METAP2: variants seen among roughly 807,000 people sequenced by gnomAD.
METAP2 encodes methionine aminopeptidase 2.
METAP2 carries 25 observed loss-of-function variants against 59.4 expected under a neutral mutation model. That is an observed-to-expected ratio of 0.42 (90% CI 0.31 to 0.59). The LOEUF (loss-of-function observed/expected upper bound fraction) is 0.59. Ranked by LOEUF, METAP2 falls within the 20% of genes least tolerant of loss-of-function variation. The pLI, the probability that METAP2 is intolerant of heterozygous loss-of-function variation, is 0.16. For missense variants in METAP2, 366 were observed against 581.2 expected, an observed-to-expected ratio of 0.63 and a Z score of 3.81; for synonymous variants, 214 against 194.1, an observed-to-expected ratio of 1.10 and a Z score of -0.85.
chr12:95,515,225 T>G lies in METAP2; in HGVS notation c.*1321T>G, dbSNP rs541405324. The stretch of plus-strand genomic sequence containing the variant: ...CTATGACTTGTGTACCTAGATCATC[T>G]GTTACATTAAAAAGCTGCTCTTTCA... On this transcript the variant is annotated 3_prime_UTR_variant, in exon 11 of 11. Coordinates refer to ENST00000323666, the MANE Select transcript of METAP2 (RefSeq NM_006838.4). 2.6e-5 allele frequency: 4 copies of G among 152,792 alleles called. No individual in the cohort carries two copies. Among genetic ancestry groups the G allele is most frequent in the African/African-American group, 9.6e-5 (4 of 41,592 alleles). 9.5% of individuals were successfully genotyped at this position (152,792 alleles called of 1,614,324 possible). A position where few individuals can be genotyped will look rare whatever the true frequency, so the allele number is the denominator to read the frequency against.
intron 8 of METAP2, among the ~76,000 whole-genome samples, chr12:95,509,767 C>T (rs2596741): frequency 0.64 from 96,242 of 151,446 alleles, 31,614 homozygotes; most frequent in African/African-American, 0.8. Flanking sequence ...GACTACTTAA[C>T]TCTGCTCTAG....
chr12:95,503,956 T>C, intron 7 of METAP2, 109 bp from the exon 8 acceptor site: 2 of 724,080 alleles, frequency 2.8e-6, no homozygotes, highest in Non-Finnish European at 2.4e-6. Flanking sequence ...GAAGTTACAA[T>C]GTACAAAGCA....
chr12:95,513,838 A>G lies in METAP2; in HGVS notation c.1371A>G (p.Gln457=), dbSNP rs201075922. The G allele has an allele frequency of 3.1e-5, 50 of 1,614,118 alleles. 1 individual carries two copies. The East Asian group carries it at 4.2e-4, about 14-fold the overall frequency. Residue 457 remains glutamine, a synonymous_variant, in exon 11 of 11, where the codon CAA becomes CAG. Coordinates refer to ENST00000323666, the MANE Select transcript of METAP2 (RefSeq NM_006838.4). Reference sequence around the variant, plus strand: ...ACATTAAAGGATCATATACAGCGCAATTTGAACATACCATCCTGTTGCGTC... The same window carrying G: ...ACATTAAAGGATCATATACAGCGCAGTTTGAACATACCATCCTGTTGCGTC... ...LCDIKGSYTA[Q]FEHTILLRPT... is the part of the protein sequence containing the mutation.
chr12:95,509,833 A>AACT (rs2076388222), intron 8 of METAP2, among the ~76,000 whole-genome samples: 1 of 118,602 alleles, frequency 8.4e-6, no homozygotes, highest in Non-Finnish European at 1.8e-5. Context: ...TTTTTTTAAG[A>AACT]CCTCCCCCCC....
intron 5 of METAP2, among the ~76,000 whole-genome samples, chr12:95,494,570 A>G (rs1594424570): frequency 6.6e-6 from 1 of 152,214 alleles, no homozygotes; most frequent in African/African-American, 2.4e-5. Context: ...AATTCAAGTA[A>G]TTATTCTCTA....
intron 4 of METAP2, among the ~76,000 whole-genome samples, chr12:95,490,231 T>C (rs2076227241): frequency 6.6e-6 from 1 of 150,942 alleles, no homozygotes. Context: ...CCTCCCAAAG[T>C]GTTGGGATTA....
At chr12:95,483,148 T>C (rs2076170990) in intron 2 of METAP2, 67 bp from the exon 3 acceptor site, 1 of 1,162,700 alleles carries the variant, frequency 8.6e-7, no homozygotes, top group Non-Finnish European at 1.3e-6. Context: ...ACTTGTCTCC[T>C]TGTACTTGCT....
intron 3 of METAP2, among the ~76,000 whole-genome samples, chr12:95,485,467 A>C (rs2076189249): frequency 6.6e-6 from 1 of 152,046 alleles, no homozygotes; most frequent in African/African-American, 2.4e-5. Flanking sequence ...ATACTCTTGA[A>C]ATAATAGTTT....
chr12:95,496,816 T>C (rs1372254848), intron 7 of METAP2, among the ~76,000 whole-genome samples: 4 of 142,396 alleles, frequency 2.8e-5, no homozygotes, highest in African/African-American at 8.0e-5. Flanking sequence ...ATTAACTTTT[T>C]CTTTCTTTTT....
chr12:95,500,869 G>C (rs1345705870), intron 7 of METAP2, among the ~76,000 whole-genome samples: 1 of 152,158 alleles, frequency 6.6e-6, no homozygotes, highest in African/African-American at 2.4e-5. Flanking sequence ...TGGTATCAGA[G>C]TAATGCTGGT....
chr12:95,505,964 G>A (rs1042343512), intron 8 of METAP2, among the ~76,000 whole-genome samples: 5 of 151,702 alleles, frequency 3.3e-5, no homozygotes, highest in African/African-American at 7.2e-5. Flanking sequence ...AGGCGTGATG[G>A]CACACACCTG....
At chr12:95,483,430 T>A in intron 3 of METAP2, 150 bp downstream of exon 3, 3 of 567,548 alleles carry the variant, frequency 5.3e-6, no homozygotes, top group Non-Finnish European at 9.5e-6. Flanking sequence ...AAGCTGAGAT[T>A]GTGCCACTGC....
chr12:95,512,519 C>G (rs879329150), intron 9 of METAP2, among the ~76,000 whole-genome samples: 9 of 152,152 alleles, frequency 5.9e-5, no homozygotes, highest in Non-Finnish European at 1.3e-4. Context: ...TGAGACCATC[C>G]TGGCCAACAT....
Position 95,494,956 on chromosome 12 carries a change from G to T in METAP2, c.591-1G>T, listed in dbSNP as rs1303061169. ...AAGTTCCCTTTGCTTTTTTGTTTTAGTGAAAAGTTGGAAGACTGTTCACGC... is the reference window on the plus strand; with the variant it reads ...AAGTTCCCTTTGCTTTTTTGTTTTATTGAAAAGTTGGAAGACTGTTCACGC... On this transcript the variant is annotated splice_acceptor_variant, in intron 5 of 10. Coordinates refer to ENST00000323666, the MANE Select transcript of METAP2 (RefSeq NM_006838.4). LOFTEE classifies it high-confidence loss of function. 3 of 1,602,880 alleles carry T rather than the reference G, an allele frequency of 1.9e-6. No homozygotes were observed. Among genetic ancestry groups the T allele is most frequent in the Admixed American group, 1.7e-5 (1 of 57,242 alleles).
intron 4 of METAP2, among the ~76,000 whole-genome samples, chr12:95,489,713 C>T (rs1003382145): frequency 6.6e-6 from 1 of 152,110 alleles, no homozygotes; most frequent in Admixed American, 6.5e-5. Context: ...TGGCGCATGC[C>T]TGTAATCCCA....
intron 2 of METAP2, among the ~76,000 whole-genome samples, 158 bp from the exon 3 acceptor site, chr12:95,483,057 C>T (rs2076170401): frequency 6.6e-6 from 1 of 152,150 alleles, no homozygotes; most frequent in African/African-American, 2.4e-5. Context: ...TAGCTGCTTC[C>T]TATTTCTTAT....
intron 7 of METAP2, among the ~76,000 whole-genome samples, chr12:95,500,861 G>A (rs1163970054): frequency 6.6e-6 from 1 of 152,128 alleles, no homozygotes; most frequent in African/African-American, 2.4e-5. Context: ...CCTCGCTTTG[G>A]TATCAGAGTA....
chr12:95,474,621 C>T (rs1232377495), intron 1 of METAP2, among the ~76,000 whole-genome samples: 2 of 152,368 alleles, frequency 1.3e-5, no homozygotes, highest in Admixed American at 6.5e-5. Context: ...CTCCCACGCA[C>T]ATCGTGGCAC....
chr12:95,508,137 T>C (rs1016915165), intron 8 of METAP2, among the ~76,000 whole-genome samples: 1 of 152,164 alleles, frequency 6.6e-6, no homozygotes, highest in Non-Finnish European at 1.5e-5. Context: ...TTTTACAATT[T>C]ATTTTTACAT....
Sources: allele counts gnomAD v4.1 joint callset (sites outside exome capture counted in the v4.1 genomes callset), GRCh38; gene constraint gnomAD v4.1.1; transcripts MANE v1.5; gene names NCBI Gene and HGNC (gene_info 2026-07-23, HGNC 2026-07-21).